The following GSE1 variants were observed in gnomAD, a reference collection of about 807,000 sequenced individuals.
GSE1 encodes the protein Gse1 coiled-coil protein, also known as genetic suppressor element 1.
A neutral mutation model predicts 112.6 loss-of-function variants in GSE1; 32 were observed. That is an observed-to-expected ratio of 0.28 (90% CI 0.21 to 0.38). GSE1 has a LOEUF of 0.38. Among genes scored for constraint, GSE1 ranks in the 10% least tolerant of loss-of-function variants. The probability of loss-of-function intolerance (pLI) is 1.00; values close to 1 mark genes in which losing one functional copy is unlikely to be tolerated. For synonymous variants in GSE1, 1,115 were observed against 735.6 expected (o/e 1.52, Z -8.35); for missense variants, 2,348 against 1,699.2 (o/e 1.38, Z -6.71).
At position 85,478,755 on chromosome 16, in the gene GSE1, C is replaced by T. The variant is rs370006774; in HGVS notation, c.2464+121112C>T. 1.1e-4 allele frequency among the ~76,000 whole-genome samples: 16 copies of T among 150,608 alleles called. No homozygotes were observed. The East Asian group carries it at 2.6e-3, about 24-fold the overall frequency. On this transcript the variant is annotated intron_variant, in intron 2 of 2. Transcript: ENST00000637419. ...CCATCTCAGCTCACTGCAACCTCTG[C>T]CTCCCAAGTTCAAGTTATTATCCTG...
At chr16:85,238,271 C>T (rs927713583) in intron 1 of GSE1, among the ~76,000 whole-genome samples, 1 of 152,186 alleles carries the variant, frequency 6.6e-6, no homozygotes, top group African/African-American at 2.4e-5. Flanking sequence ...ACAGAGTCCC[C>T]CTCCAGCATC....
chr16:85,587,859 C>A (rs1458216469), intron 1 of GSE1, among the ~76,000 whole-genome samples: 2 of 152,210 alleles, frequency 1.3e-5, no homozygotes, highest in Admixed American at 6.5e-5. Context: ...CCCAGCCCTT[C>A]CCGTGTCTGG....
chr16:85,375,468 G>A (rs1482787295), intron 2 of GSE1, among the ~76,000 whole-genome samples: 2 of 152,226 alleles, frequency 1.3e-5, no homozygotes, highest in African/African-American at 4.8e-5. Flanking sequence ...AGCAGCGGGT[G>A]TCACAAAGAG....
intron 1 of GSE1, among the ~76,000 whole-genome samples, chr16:85,193,499 G>A (rs559554530): frequency 2.8e-4 from 43 of 151,352 alleles, no homozygotes; most frequent in African/African-American, 7.3e-4. Context: ...TCACCCTGTC[G>A]CCCAGGCTGA....
At chr16:85,392,781 C>T (rs937482378) in intron 2 of GSE1, among the ~76,000 whole-genome samples, 1 of 152,190 alleles carries the variant, frequency 6.6e-6, no homozygotes, top group African/African-American at 2.4e-5. Flanking sequence ...GTCCAGCCTC[C>T]TTGACCCTTA....
intron 1 of GSE1, among the ~76,000 whole-genome samples, chr16:85,194,285 A>T (rs2074885234): frequency 1.3e-5 from 2 of 152,152 alleles, no homozygotes; most frequent in Admixed American, 1.3e-4. Flanking sequence ...TAGTCCTGGG[A>T]TGCTGGTTCT....
chr16:85,633,776 C>T, intron 1 of GSE1, 138 bp from the exon 2 acceptor site: 3 of 640,304 alleles, frequency 4.7e-6, no homozygotes, highest in Non-Finnish European at 8.3e-6. Flanking sequence ...CTGTCCTGTT[C>T]TTGCTTGTCC....
intron 2 of GSE1, among the ~76,000 whole-genome samples, chr16:85,515,644 C>T (rs1365887492): frequency 3.8e-5 from 3 of 78,160 alleles, no homozygotes; most frequent in African/African-American, 5.3e-5. Context: ...GGTCGGGGGG[C>T]GTGGAGGGCG....
intron 2 of GSE1, among the ~76,000 whole-genome samples, chr16:85,454,697 C>T (rs950852677): frequency 1.3e-5 from 2 of 152,184 alleles, no homozygotes; most frequent in Non-Finnish European, 2.9e-5. Context: ...CAGCTGCTGG[C>T]GGTGCCGGCC....
intron 2 of GSE1, among the ~76,000 whole-genome samples, chr16:85,470,414 A>T (rs1052278043): frequency 5.5e-5 from 8 of 146,328 alleles, no homozygotes; most frequent in Admixed American, 5.3e-4. Context: ...GAGGCCCCGG[A>T]CGCAGAGCTG....
chr16:85,542,230 G>A (rs572510647), intron 2 of GSE1, among the ~76,000 whole-genome samples: 77 of 152,334 alleles, frequency 5.1e-4, no homozygotes, highest in Non-Finnish European at 5.4e-4. Context: ...AGGCGAAGGC[G>A]GGGAGCAGGC....
At chr16:85,510,406 G>GTGTGTGTGTGTGTGT (rs1567548225) in intron 2 of GSE1, among the ~76,000 whole-genome samples, 6 of 150,746 alleles carry the variant, frequency 4.0e-5, no homozygotes, top group African/African-American at 1.5e-4. Context: ...GCCCGAGCGT[G>GTGTGTGTGTGTGTGT]CGTGTGTGTG....
At chr16:85,420,369 T>C (rs1036168550) in intron 2 of GSE1, among the ~76,000 whole-genome samples, 2 of 152,114 alleles carry the variant, frequency 1.3e-5, no homozygotes, top group African/African-American at 4.8e-5. Flanking sequence ...CTTCTGTTGA[T>C]CTAAGCCACG....
At chr16:85,282,313 A>G (rs185898109) in intron 1 of GSE1, among the ~76,000 whole-genome samples, 8 of 152,332 alleles carry the variant, frequency 5.3e-5, no homozygotes, top group African/African-American at 1.9e-4. Context: ...GGCGTGAGCC[A>G]CCGCGCCCGG....
chr16:85,521,836 C>CCAGGGGGTCG (rs1238864094), intron 2 of GSE1, among the ~76,000 whole-genome samples: 1 of 152,240 alleles, frequency 6.6e-6, no homozygotes, highest in Admixed American at 6.5e-5. Flanking sequence ...GGCGCTCAGC[C>CCAGGGGGTCG]CAGGGGGTCG....
intron 1 of GSE1, among the ~76,000 whole-genome samples, chr16:85,558,738 T>TA (rs1269450675): frequency 1.3e-5 from 2 of 152,256 alleles, no homozygotes; most frequent in African/African-American, 4.8e-5. Context: ...ACTGGGGTTT[T>TA]ACACTTTATT....
At chr16:85,528,968 G>C (rs2052458215) in intron 2 of GSE1, among the ~76,000 whole-genome samples, 1 of 152,150 alleles carries the variant, frequency 6.6e-6, no homozygotes, top group African/African-American at 2.4e-5. Context: ...GTAAGAACTT[G>C]GCCTTTACTC....
intron 3 of GSE1, 114 bp downstream of exon 3, chr16:85,648,865 C>T (rs67659612): frequency 0.43 from 238,958 of 557,746 alleles, 57,001 homozygotes; most frequent in East Asian, 0.74. Context: ...GACACCCCCT[C>T]CCCCACCCTG....
At chr16:85,524,337 T>G (rs2052292918) in intron 2 of GSE1, among the ~76,000 whole-genome samples, 1 of 151,718 alleles carries the variant, frequency 6.6e-6, no homozygotes, top group African/African-American at 2.4e-5. Context: ...CTCTGTGGCT[T>G]CAGGAAAGGA....
Sources: gnomAD v4.1 joint callset for allele counts (sites outside exome capture counted in the v4.1 genomes callset) on GRCh38, gnomAD v4.1.1 for gene constraint, MANE v1.5 for transcripts, NCBI Gene and HGNC (gene_info 2026-07-23, HGNC 2026-07-21) for gene names.